The following ANKRD44 variants were observed in gnomAD, a reference collection of about 807,000 sequenced individuals.
ANKRD44 encodes ankyrin repeat domain 44.
ANKRD44 carries 35 observed loss-of-function variants against 116.0 expected under a neutral mutation model. The ratio of observed to expected loss-of-function variants is 0.30; its 90% CI spans 0.23 to 0.40. The LOEUF (loss-of-function observed/expected upper bound fraction) is 0.40. Among genes scored for constraint, ANKRD44 ranks in the 10% least tolerant of loss-of-function variants. ANKRD44 has a pLI of 1.00. For synonymous variants in ANKRD44, 435 were observed against 461.8 expected (o/e 0.94, Z 0.74); for missense variants, 1,014 against 1,242.6 (o/e 0.82, Z 2.77).
intron 16 of ANKRD44, among the ~76,000 whole-genome samples, chr2:197,058,083 G>A (rs1433368559): frequency 6.6e-6 from 1 of 151,962 alleles, no homozygotes; most frequent in Non-Finnish European, 1.5e-5. Context: ...AGCAATACCC[G>A]GTATACTGTA....
At chr2:197,289,860 T>C (rs1457958159) in intron 1 of ANKRD44, among the ~76,000 whole-genome samples, 3 of 152,026 alleles carry the variant, frequency 2.0e-5, no homozygotes, top group Non-Finnish European at 4.4e-5. Flanking sequence ...ATCCACAATA[T>C]GGTCAATTTT....
At chr2:197,136,547 T>C (rs772898017) in intron 4 of ANKRD44, 45 bp downstream of exon 4, 7 of 1,572,342 alleles carry the variant, frequency 4.5e-6, no homozygotes, top group Non-Finnish European at 6.1e-6. Context: ...ACTTTTTCTT[T>C]TTCTAGGCAC....
intron 3 of ANKRD44, among the ~76,000 whole-genome samples, chr2:197,140,348 G>T (rs769225637): frequency 6.6e-6 from 1 of 151,908 alleles, no homozygotes; most frequent in Non-Finnish European, 1.5e-5. Context: ...TAGAGACAGG[G>T]TCTCACTCTG....
chr2:196,969,675 T>A (rs1358127649), intron 21 of ANKRD44, among the ~76,000 whole-genome samples: 1 of 152,214 alleles, frequency 6.6e-6, no homozygotes, highest in Non-Finnish European at 1.5e-5. Context: ...AATGACAGAA[T>A]CATGGGCAAT....
chr2:197,076,969 T>C (rs1408745671), intron 16 of ANKRD44, among the ~76,000 whole-genome samples: 1 of 152,220 alleles, frequency 6.6e-6, no homozygotes, highest in African/African-American at 2.4e-5. Context: ...TGAACATACA[T>C]ATGCATGTAT....
At position 197,187,060 on chromosome 2, in the gene ANKRD44, C is replaced by T. The variant is rs149690877; in HGVS notation, c.74G>A (p.Arg25Gln). Residue 25 changes from arginine (R) to glutamine (Q), a missense_variant, in exon 2 of 28, where the codon CGG (arginine) becomes CAG (glutamine). By Grantham distance (43) the Arg-to-Gln change is conservative. Coordinates refer to ENST00000282272, the MANE Select transcript of ANKRD44 (RefSeq NM_001195144.2). ...ATCTTCAGTTTTATGGATGAGCATCCGGATCTCCTCTGGATCACCGCTGAA... is the reference window on the plus strand; with the variant it reads ...ATCTTCAGTTTTATGGATGAGCATCTGGATCTCCTCTGGATCACCGCTGAA... ...AIFSGDPEEIRMLIHKTEDVN... is the reference protein window; with the variant it reads ...AIFSGDPEEIQMLIHKTEDVN... 35 of 1,613,962 alleles carry T rather than the reference C, an allele frequency of 2.2e-5. No individual in the cohort carries two copies. The highest frequency in any genetic ancestry group is 3.3e-5 in the Admixed American group (2 of 60,000).
chr2:197,217,946 T>G (rs1488001048), intron 1 of ANKRD44, among the ~76,000 whole-genome samples: 1 of 152,234 alleles, frequency 6.6e-6, no homozygotes, highest in Non-Finnish European at 1.5e-5. Context: ...ACTCCTGTAC[T>G]GAAACATTTG....
Position 196,989,574 on chromosome 2 carries a change from A to C in ANKRD44, c.*17T>G. ...CATATATGTGTGCATGTGTATGTGCATAATTTTTAAAGAGTCTCATTCTTC... is the reference window on the plus strand; with the variant it reads ...CATATATGTGTGCATGTGTATGTGCCTAATTTTTAAAGAGTCTCATTCTTC... On this transcript the variant is annotated 3_prime_UTR_variant, in exon 28 of 28. Transcript: ENST00000282272. 1 of 1,549,348 alleles carries C rather than the reference A, an allele frequency of 6.5e-7. No homozygotes were observed. Among genetic ancestry groups the C allele is most frequent in the Non-Finnish European group, 8.7e-7 (1 of 1,146,250 alleles).
chr2:197,011,423 GTTTT>G (rs1202084855), intron 18 of ANKRD44, among the ~76,000 whole-genome samples: 3 of 151,404 alleles, frequency 2.0e-5, no homozygotes, highest in Admixed American at 1.3e-4. Context: ...GTTTTGTTTT[GTTTT>G]GTTTTTTGGT....
chr2:197,282,353 T>G (rs973901479), intron 1 of ANKRD44, among the ~76,000 whole-genome samples: 1 of 152,132 alleles, frequency 6.6e-6, no homozygotes, highest in Non-Finnish European at 1.5e-5. Flanking sequence ...TTAAAAGGCT[T>G]GGTGGCGTAT....
At chr2:197,173,474 C>T (rs1211003551) in intron 2 of ANKRD44, among the ~76,000 whole-genome samples, 1 of 152,184 alleles carries the variant, frequency 6.6e-6, no homozygotes, top group Non-Finnish European at 1.5e-5. Context: ...ATAGCAAAAA[C>T]AGACTTCCCT....
chr2:196,999,936 A>G (rs2076084837), intron 23 of ANKRD44, among the ~76,000 whole-genome samples: 1 of 152,190 alleles, frequency 6.6e-6, no homozygotes. Context: ...ACTTTGAAAC[A>G]GCAAAATATT....
At chr2:197,187,169 A>G in intron 1 of ANKRD44, 63 bp from the exon 2 acceptor site, 1 of 1,477,554 alleles carries the variant, frequency 6.8e-7, no homozygotes, top group Non-Finnish European at 9.5e-7. Flanking sequence ...ATACAGATGC[A>G]GATGGTGAGA....
At chr2:197,103,510 G>C (rs752141966) in intron 9 of ANKRD44, among the ~76,000 whole-genome samples, 1 of 152,102 alleles carries the variant, frequency 6.6e-6, no homozygotes, top group African/African-American at 2.4e-5. Flanking sequence ...AACTAGATTA[G>C]TGGTTGCCAG....
rs192961622 is a variant in ANKRD44, at chr2:197,008,927, C to T, written c.2012+17G>A. On this transcript the variant is annotated intron_variant, in intron 19 of 27. Coordinates refer to ENST00000282272, the MANE Select transcript of ANKRD44 (RefSeq NM_001195144.2). ...TGATTGAAATGTCAACCCAAGGCCA[C>T]GTGTGAGCGCACTTACTGTCCTTTG... 26 of 1,612,632 alleles carry T rather than the reference C, an allele frequency of 1.6e-5. No homozygotes were observed. The highest frequency in any genetic ancestry group is 1.3e-4 in the Admixed American group (8 of 60,004).
At chr2:197,252,403 T>C (rs965836493) in intron 1 of ANKRD44, among the ~76,000 whole-genome samples, 8 of 150,250 alleles carry the variant, frequency 5.3e-5, no homozygotes, top group Admixed American at 2.0e-4. Flanking sequence ...TATATATATG[T>C]AATTTTTTTT....
At chr2:196,967,253 G>T (rs1190398753) in exon 22 of ANKRD44, 1 of 271,532 alleles carries the variant, frequency 3.7e-6, no homozygotes, top group Admixed American at 4.0e-5. Flanking sequence ...GAAAATAAAG[G>T]GTGCGTGCTT....
At chr2:197,172,452 C>G (rs2080263277) in intron 2 of ANKRD44, among the ~76,000 whole-genome samples, 1 of 152,192 alleles carries the variant, frequency 6.6e-6, no homozygotes, top group Non-Finnish European at 1.5e-5. Context: ...CCTGGCTACA[C>G]CAGGAACGTG....
At chr2:197,305,185 GA>G (rs202213070) in intron 1 of ANKRD44, among the ~76,000 whole-genome samples, 2 of 151,282 alleles carry the variant, frequency 1.3e-5, no homozygotes, top group Non-Finnish European at 2.9e-5. Context: ...GATGTGTCAG[GA>G]AAAAAAACAA....
Sources: allele counts gnomAD v4.1 joint callset (sites outside exome capture counted in the v4.1 genomes callset), GRCh38; gene constraint gnomAD v4.1.1; transcripts MANE v1.5; gene names NCBI Gene and HGNC (gene_info 2026-07-23, HGNC 2026-07-21).